APBA2: variants seen among roughly 807,000 people sequenced by gnomAD.
APBA2 encodes amyloid beta precursor protein binding family A member 2, also known as amyloid-beta A4 precursor protein-binding family A member 2.
In APBA2, 30 loss-of-function variants were observed where a neutral mutation model predicts 75.0. That is an observed-to-expected ratio of 0.40 (90% CI 0.30 to 0.54). The LOEUF is 0.54. APBA2 is among the 20% of genes least tolerant of loss of function. APBA2 has a pLI of 0.49. For missense variants in APBA2, 801 were observed against 1,016.1 expected (o/e 0.79, Z 2.88); for synonymous variants, 444 against 409.6 (o/e 1.08, Z -1.01).
intron 2 of APBA2, among the ~76,000 whole-genome samples, chr15:28,975,016 GGAGA>G (rs369460771): frequency 6.6e-6 from 1 of 151,846 alleles, no homozygotes; most frequent in African/African-American, 2.4e-5. Flanking sequence ...ATCATGAAGG[GGAGA>G]GAGAGAGACC....
chr15:29,069,286 C>T (rs970108467), intron 4 of APBA2, among the ~76,000 whole-genome samples: 15 of 152,116 alleles, frequency 9.9e-5, no homozygotes, highest in African/African-American at 2.9e-4. Context: ...TTGTTTCTAC[C>T]GCATGATTAA....
Position 29,073,535 on chromosome 15 carries a change from A to G in APBA2, c.952-1386A>G, listed in dbSNP as rs185883133. On this transcript the variant is annotated intron_variant, in intron 4 of 14. Coordinates refer to ENST00000683413, the MANE Select transcript of APBA2 (RefSeq NM_001353788.2). ...CCGGCTAATTTTTTGTATTTTTAGT[A>G]GAGACAGGGTTTCACCATGTTGGCC... Among the ~76,000 whole-genome samples the G allele has an allele frequency of 1.1e-4, 16 of 152,326 alleles. No homozygotes were observed. In the East Asian group the frequency reaches 2.7e-3, roughly 26 times the overall value.
chr15:28,937,097 G>A (rs765086072), intron 2 of APBA2, among the ~76,000 whole-genome samples: 1 of 152,126 alleles, frequency 6.6e-6, no homozygotes, highest in Non-Finnish European at 1.5e-5. Context: ...GCTCTCTCAC[G>A]AGACACAGGC....
At chr15:29,052,463 A>G (rs1022840545) in intron 3 of APBA2, among the ~76,000 whole-genome samples, 1 of 151,368 alleles carries the variant, frequency 6.6e-6, no homozygotes, top group Non-Finnish European at 1.5e-5. Flanking sequence ...TCAAAAAAAA[A>G]AAAAAGAAGT....
rs1034482033 is a variant in APBA2, at chr15:29,053,224, C to G, written c.-40-621C>G. 3.9e-5 allele frequency among the ~76,000 whole-genome samples: 6 copies of G among 152,192 alleles called. No homozygotes were observed. In the East Asian group the frequency reaches 1.2e-3, roughly 29 times the overall value. On this transcript the variant is annotated intron_variant, in intron 3 of 14. Transcript: ENST00000683413. ...TGGCCGAGCAGTGCTGTCCCCTCTG[C>G]TGAGCCCTCCAGCCTGCCACGCTGG...
At chr15:28,924,421 CCT>C (rs751122079) in intron 2 of APBA2, among the ~76,000 whole-genome samples, 3 of 152,192 alleles carry the variant, frequency 2.0e-5, no homozygotes, top group Admixed American at 6.5e-5. Flanking sequence ...CACTCCCCAG[CCT>C]CCCTACCCCA....
rs1566855769 is a variant in APBA2, at chr15:28,969,180, C to CTTTCTTTCCT, written c.-94-26570_-94-26569insCTTTCCTTTT. Among the ~76,000 whole-genome samples, 5 of 130,928 alleles carry CTTTCTTTCCT rather than the reference C, an allele frequency of 3.8e-5. No individual in the cohort carries two copies. In the South Asian group the frequency reaches 1.1e-3, roughly 30 times the overall value. 85.9% of individuals were successfully genotyped at this position (130,928 alleles called of 152,430 possible). On this transcript the variant is annotated intron_variant, in intron 2 of 14. Transcript: ENST00000683413. ...TCTTTCTTTCTTTCTTTCTTTCTTT[C>CTTTCTTTCCT]TTTTTTTTATTTTTTATTTTTGAGA...
At chr15:29,000,151 T>C (rs934616042) in intron 3 of APBA2, among the ~76,000 whole-genome samples, 1 of 152,208 alleles carries the variant, frequency 6.6e-6, no homozygotes, top group Admixed American at 6.5e-5. Flanking sequence ...CCAGAAACAG[T>C]GTTTAACCAG....
chr15:29,060,467 G>A (rs1402432433), intron 4 of APBA2, among the ~76,000 whole-genome samples: 1 of 152,238 alleles, frequency 6.6e-6, no homozygotes, highest in Non-Finnish European at 1.5e-5. Flanking sequence ...GTCCGCGTTT[G>A]AGCCTGCCTG....
At chr15:29,051,149 A>G (rs994566332) in intron 3 of APBA2, among the ~76,000 whole-genome samples, 2 of 152,196 alleles carry the variant, frequency 1.3e-5, no homozygotes, top group Non-Finnish European at 2.9e-5. Flanking sequence ...CTCTGTGAAG[A>G]TAAGAAATCT....
At chr15:29,082,147 A>T (rs556134579) in intron 6 of APBA2, among the ~76,000 whole-genome samples, 2 of 152,248 alleles carry the variant, frequency 1.3e-5, no homozygotes, top group East Asian at 3.9e-4. Flanking sequence ...ACTATTTCGT[A>T]TGTTCATAGG....
chr15:29,062,825 C>G (rs546992495), intron 4 of APBA2, among the ~76,000 whole-genome samples: 25 of 152,206 alleles, frequency 1.6e-4, no homozygotes, highest in African/African-American at 6.0e-4. Flanking sequence ...GCATCCCACC[C>G]GGCTGCAGCA....
intron 2 of APBA2, among the ~76,000 whole-genome samples, chr15:28,972,876 G>GA (rs35038138): frequency 1.3e-5 from 2 of 152,188 alleles, no homozygotes; most frequent in East Asian, 1.9e-4. Context: ...TACTCCTCCT[G>GA]AAAAAACCTA....
chr15:29,112,701 A>C lies in APBA2; in HGVS notation c.2038-1175A>C, dbSNP rs1397097165. 5.3e-5 allele frequency among the ~76,000 whole-genome samples: 8 copies of C among 152,296 alleles called. No individual in the cohort carries two copies. The South Asian group carries it at 1.5e-3, about 28-fold the overall frequency. On this transcript the variant is annotated intron_variant, in intron 13 of 14. Coordinates refer to ENST00000683413, the MANE Select transcript of APBA2 (RefSeq NM_001353788.2). ...ATTTAAAAAATAACTGTGGTAAAAT[A>C]TATCTGTAACTTAAAATCGAGCATC...
chr15:29,075,318 C>T (rs577836085), intron 5 of APBA2, among the ~76,000 whole-genome samples: 1 of 152,294 alleles, frequency 6.6e-6, no homozygotes, highest in Admixed American at 6.5e-5. Flanking sequence ...CCATTCTATT[C>T]ATTGTCTGAT....
chr15:28,918,863 AT>A lies in APBA2; in HGVS notation c.-204-2764del, dbSNP rs879402003. Among the ~76,000 whole-genome samples, 202 of 143,438 alleles carry A rather than the reference AT, an allele frequency of 1.4e-3. No homozygotes were observed. The highest frequency in any genetic ancestry group is 2.0e-3 in the East Asian group (10 of 4,914). The allele number at this position is 143,438 out of a possible 152,430, so 94.1% of individuals were successfully genotyped here. A position where few individuals can be genotyped will look rare whatever the true frequency, so the allele number is the denominator to read the frequency against. ...TTGCCAGTTAATTGTGGGGATTATTATTTTTTTTTTTTTGTAGACGGAGTCG... is the reference window on the plus strand; with the variant it reads ...TTGCCAGTTAATTGTGGGGATTATTATTTTTTTTTTTTGTAGACGGAGTCG... On this transcript the variant is annotated intron_variant, in intron 1 of 14. Coordinates refer to ENST00000683413, the MANE Select transcript of APBA2 (RefSeq NM_001353788.2). The surrounding 1 kb of genome is among the most constrained non-coding windows in gnomAD (Gnocchi z 4.2).
At chr15:28,911,061 A>G (rs933815064) in intron 1 of APBA2, among the ~76,000 whole-genome samples, 1 of 152,210 alleles carries the variant, frequency 6.6e-6, no homozygotes, top group African/African-American at 2.4e-5. Flanking sequence ...GCAGTAAGAA[A>G]TAATGGATTT....
intron 2 of APBA2, chr15:28,990,806 C>T (rs2038188681): frequency 6.6e-6 from 1 of 152,158 alleles, no homozygotes; most frequent in Admixed American, 6.5e-5. Context: ...GGTAAGTTTC[C>T]AAGAACAGAG....
At chr15:29,096,361 C>T (rs1017606210) in intron 8 of APBA2, among the ~76,000 whole-genome samples, 4 of 152,208 alleles carry the variant, frequency 2.6e-5, no homozygotes, top group Non-Finnish European at 4.4e-5. Context: ...CCTCTTCTCC[C>T]ATCCAGGGAT....
Sources: allele counts gnomAD v4.1 joint callset (sites outside exome capture counted in the v4.1 genomes callset), GRCh38; gene constraint gnomAD v4.1.1; non-coding constraint Gnocchi (gnomAD v3.1); transcripts MANE v1.5; gene names NCBI Gene and HGNC (gene_info 2026-07-23, HGNC 2026-07-21).